Variants in CASC3 observed in about 807,000 individuals in gnomAD.
The protein encoded by CASC3 is CASC3 exon junction complex subunit, also known as protein CASC3.
Under a neutral mutation model 80.5 loss-of-function variants are expected in CASC3, and 30 were observed. The ratio of observed to expected loss-of-function variants is 0.37; its 90% CI spans 0.28 to 0.51. The LOEUF is 0.51. Among genes scored for constraint, CASC3 ranks in the 20% least tolerant of loss-of-function variants. The pLI is 0.94. For synonymous variants in CASC3, 312 were observed against 333.6 expected (o/e 0.94, Z 0.70); for missense variants, 824 against 922.2 (o/e 0.89, Z 1.38).
chr17:40,161,176 T>C (rs1363124302), intron 3 of CASC3, among the ~76,000 whole-genome samples: 1 of 150,828 alleles, frequency 6.6e-6, no homozygotes, highest in Non-Finnish European at 1.5e-5. Flanking sequence ...GATGGGGTTT[T>C]GCCATGCTGG....
intron 3 of CASC3, among the ~76,000 whole-genome samples, chr17:40,150,578 T>C (rs1266107818): frequency 2.6e-5 from 4 of 151,988 alleles, no homozygotes; most frequent in East Asian, 3.9e-4. Context: ...GAATGAGCTA[T>C]GGAGTCTAGA....
At position 40,171,688 on chromosome 17, in the gene CASC3, A is replaced by G. The variant is rs1598433651; in HGVS notation, c.*1283A>G. The G allele has an allele frequency of 9.6e-7, 1 of 1,042,790 alleles. No homozygotes were observed. The highest frequency in any genetic ancestry group is 1.2e-6 in the Non-Finnish European group (1 of 864,284). The allele number at this position is 1,042,790 out of a possible 1,614,324, so 64.6% of individuals were successfully genotyped here. A position where few individuals can be genotyped will look rare whatever the true frequency, so the allele number is the denominator to read the frequency against. On this transcript the variant is annotated 3_prime_UTR_variant, in exon 14 of 14. Coordinates refer to ENST00000264645, the MANE Select transcript of CASC3 (RefSeq NM_007359.5). ...TGCTGCCTCTGTGGAAGAGATTCCT[A>G]TTACTGCAGTACATACGTCTGCCAG...
chr17:40,153,354 C>T (rs1049237422), intron 3 of CASC3, among the ~76,000 whole-genome samples: 5 of 152,038 alleles, frequency 3.3e-5, no homozygotes, highest in Admixed American at 6.6e-5. Flanking sequence ...TTCCATTGTT[C>T]GTGTGTTCCA....
intron 5 of CASC3, 97 bp from the exon 6 acceptor site, chr17:40,162,628 C>G: frequency 9.0e-7 from 1 of 1,106,848 alleles, no homozygotes; most frequent in East Asian, 2.5e-5. Flanking sequence ...ACGTAAAGTT[C>G]CTATTGTCCC....
chr17:40,161,014 C>G (rs942034733), intron 3 of CASC3, among the ~76,000 whole-genome samples: 3 of 151,320 alleles, frequency 2.0e-5, no homozygotes, highest in Admixed American at 6.6e-5. Context: ...GAGCCTTGCT[C>G]TGTCGCCCAG....
In CASC3 at chr17:40,170,812, C is replaced by G. The variant is rs919651855; in HGVS notation, c.*407C>G. 7.1e-6 allele frequency: 7 copies of G among 984,798 alleles called. No homozygotes were observed. Among genetic ancestry groups the G allele is most frequent in the Non-Finnish European group, 8.4e-6 (7 of 829,428 alleles). The allele number at this position is 984,798 out of a possible 1,614,324, so 61.0% of individuals were successfully genotyped here. ...TAAGATGTTCATTTTTAAAGCCTGGCTTCTTATCCTTAATATTATTTTAAT... is the reference window on the plus strand; with the variant it reads ...TAAGATGTTCATTTTTAAAGCCTGGGTTCTTATCCTTAATATTATTTTAAT... On this transcript the variant is annotated 3_prime_UTR_variant, in exon 14 of 14. Coordinates refer to ENST00000264645, the MANE Select transcript of CASC3 (RefSeq NM_007359.5).
At chr17:40,145,021 C>T (rs1218671781) in intron 3 of CASC3, among the ~76,000 whole-genome samples, 5 of 151,374 alleles carry the variant, frequency 3.3e-5, no homozygotes, top group Admixed American at 2.0e-4. Flanking sequence ...CCACCACGCC[C>T]GCCTAATTTT....
chr17:40,167,803 A>T (rs778744394), intron 9 of CASC3, 47 bp from the exon 10 acceptor site: 7 of 1,516,074 alleles, frequency 4.6e-6, no homozygotes, highest in Non-Finnish European at 6.4e-6. Flanking sequence ...AGACTTGTCC[A>T]TGTGAAGAGT....
intron 11 of CASC3, 188 bp downstream of exon 11, chr17:40,168,605 T>C: frequency 5.0e-6 from 3 of 596,994 alleles, no homozygotes; most frequent in South Asian, 4.0e-5. Flanking sequence ...ATCATCTTTA[T>C]TCTTTTCAGT....
intron 3 of CASC3, among the ~76,000 whole-genome samples, chr17:40,142,152 G>A (rs1406973209): frequency 6.6e-6 from 1 of 152,104 alleles, no homozygotes; most frequent in African/African-American, 2.4e-5. Context: ...TCTGGTAATG[G>A]GATTATATAT....
At chr17:40,165,943 T>G (rs1182843939) in intron 7 of CASC3, among the ~76,000 whole-genome samples, 1 of 150,550 alleles carries the variant, frequency 6.6e-6, no homozygotes, top group African/African-American at 2.5e-5. Context: ...TTTTTTTTAT[T>G]TTTTGAAAAG....
At position 40,162,071 on chromosome 17, in the gene CASC3, C is replaced by T. The variant is rs373969027; in HGVS notation, c.526C>T (p.Arg176Trp). 3.1e-6 allele frequency: 5 copies of T among 1,613,906 alleles called. No homozygotes were observed. Among genetic ancestry groups the T allele is most frequent in the South Asian group, 1.1e-5 (1 of 91,076 alleles). ...TAAGCATTTGGATGATGATGAAGAT[C>T]GGAAGAATCCAGCATACATACCTCG... is the stretch of plus-strand genomic sequence containing the variant. ...GPKHLDDDED[R>W]KNPAYIPRKG... Residue 176 changes from arginine (R) to tryptophan (W), a missense_variant, in exon 5 of 14, where the codon CGG becomes TGG. Arg to Trp is a moderately radical substitution (Grantham distance 101, BLOSUM62 -3). Transcript: ENST00000264645.
intron 3 of CASC3, among the ~76,000 whole-genome samples, chr17:40,147,760 G>C (rs1988896831): frequency 6.6e-6 from 1 of 152,178 alleles, no homozygotes; most frequent in African/African-American, 2.4e-5. Context: ...TTGTGGGTTA[G>C]GTTTTGGATG....
rs531499704 is a variant in CASC3, at chr17:40,161,820, C to G, written c.365C>G (p.Ala122Gly). The G allele has an allele frequency of 6.2e-7, 1 of 1,613,986 alleles. No individual in the cohort carries two copies. The highest frequency in any genetic ancestry group is 1.7e-5 in the Admixed American group (1 of 60,010). The part of the protein sequence containing the change: ...KVELKSEAND[A>G]VNSSTKEEKG... The stretch of plus-strand genomic sequence containing the variant: ...GAGCTGAAATCAGAAGCTAATGATG[C>G]TGTTAATTCTTCAACAAAAGAAGAG... Residue 122 changes from alanine to glycine, a missense_variant, in exon 4 of 14, where the codon GCT (alanine) becomes GGT (glycine). Transcript: ENST00000264645.
chr17:40,151,123 T>C (rs1360834525), intron 3 of CASC3, among the ~76,000 whole-genome samples: 3 of 152,066 alleles, frequency 2.0e-5, no homozygotes, highest in Non-Finnish European at 2.9e-5. Context: ...TGTACTCAGC[T>C]ACTCAGGAGG....
intron 11 of CASC3, chr17:40,168,931 A>G (rs1044622810): frequency 1.0e-5 from 2 of 199,704 alleles, no homozygotes; most frequent in Non-Finnish European, 2.1e-5. Flanking sequence ...GTTGTGGTAC[A>G]TCATAGGTGG....
At chr17:40,170,404 AC>A in intron 13 of CASC3, 42 bp from the exon 14 acceptor site, 1 of 985,424 alleles carries the variant, frequency 1.0e-6, no homozygotes, top group Non-Finnish European at 1.2e-6. Context: ...CAGAAGGCCC[AC>A]TAACACTTTG....
Position 40,168,212 on chromosome 17 carries a change from C to T in CASC3, c.1760C>T (p.Pro587Leu). The T allele has an allele frequency of 1.2e-6, 2 of 1,613,960 alleles. No homozygotes were observed. Among genetic ancestry groups the T allele is most frequent in the Non-Finnish European group, 1.7e-6 (2 of 1,179,898 alleles). The change falls in exon 11 of 14, where the codon CCC becomes CTC. Residue 587 changes from proline (P) to leucine (L), a missense_variant. Pro to Leu is a moderately conservative substitution (Grantham distance 98). Coordinates refer to ENST00000264645, the MANE Select transcript of CASC3 (RefSeq NM_007359.5). ...TCTTCTCCTTATCCAGGTTTACATC[C>T]CCACCAGACACCAGCTCCTCTGCCC... ...GMNLPHPGLHPHQTPAPLPNP... is the reference protein window; with the variant it reads ...GMNLPHPGLHLHQTPAPLPNP...
intron 7 of CASC3, among the ~76,000 whole-genome samples, chr17:40,164,572 G>A (rs921294888): frequency 4.0e-5 from 6 of 151,476 alleles, no homozygotes; most frequent in East Asian, 1.9e-4. Flanking sequence ...TCAGCCTCCC[G>A]AGTAGCTGGG....
Sources: gnomAD v4.1 joint callset for allele counts (sites outside exome capture counted in the v4.1 genomes callset) on GRCh38, gnomAD v4.1.1 for gene constraint, MANE v1.5 for transcripts, NCBI Gene and HGNC (gene_info 2026-07-23, HGNC 2026-07-21) for gene names.